The following NOX4 variants were observed in gnomAD, a reference collection of about 807,000 sequenced individuals.
The protein encoded by NOX4 is kidney oxidase-1.
A neutral mutation model predicts 87.6 loss-of-function variants in NOX4; 69 were observed. The observed-to-expected ratio is 0.79, with a 90% CI of 0.65 to 0.96. NOX4 has a LOEUF of 0.96. Among genes scored for constraint, NOX4 ranks in the 40% least tolerant of loss-of-function variants. The probability of loss-of-function intolerance (pLI) is 0.00; values close to 1 mark genes in which losing one functional copy is unlikely to be tolerated. For missense variants in NOX4, 680 were observed against 681.5 expected, an observed-to-expected ratio of 1.00 and a Z score of 0.02; for synonymous variants, 275 against 238.2, an observed-to-expected ratio of 1.15 and a Z score of -1.42.
the NOX4 span, among the ~76,000 whole-genome samples, chr11:89,541,815 T>A: frequency 6.6e-6 from 1 of 152,180 alleles, no homozygotes; most frequent in African/African-American, 2.4e-5. Flanking sequence ...CAAATTATAC[T>A]ATTCATTTAT....
intron 8 of NOX4, among the ~76,000 whole-genome samples, chr11:89,406,521 T>C (rs1565249302): frequency 6.6e-6 from 1 of 152,136 alleles, no homozygotes; most frequent in Non-Finnish European, 1.5e-5. Flanking sequence ...CATTTAGACA[T>C]ATTATTTTAT....
the NOX4 span, among the ~76,000 whole-genome samples, chr11:89,519,652 A>G: frequency 6.6e-6 from 1 of 152,210 alleles, no homozygotes; most frequent in South Asian, 2.1e-4. Flanking sequence ...ATGAAGCCAA[A>G]GTTTCAAGAG....
chr11:89,532,175 G>C, the NOX4 span, among the ~76,000 whole-genome samples: 1 of 152,132 alleles, frequency 6.6e-6, no homozygotes, highest in African/African-American at 2.4e-5. Context: ...GTGAAAAGAG[G>C]GCCACTGTCC....
At chr11:89,493,551 T>A (rs1946913117), upstream of NOX4, among the ~76,000 whole-genome samples, 1 of 152,034 alleles carries the variant, frequency 6.6e-6, no homozygotes, top group Non-Finnish European at 1.5e-5. Context: ...TGGTTATTAC[T>A]TATGGCTATT....
At chr11:89,510,702 T>C in the NOX4 span, among the ~76,000 whole-genome samples, 1 of 152,102 alleles carries the variant, frequency 6.6e-6, no homozygotes, top group East Asian at 1.9e-4. Context: ...AAATGTTTGA[T>C]AAATTTTTTT....
chr11:89,334,032 C>T (rs1326748117), intron 17 of NOX4, among the ~76,000 whole-genome samples: 2 of 151,696 alleles, frequency 1.3e-5, no homozygotes, highest in Admixed American at 6.6e-5. Context: ...TGAGAACTAA[C>T]TGTAGGAACC....
chr11:89,436,238 G>C (rs1591243226), intron 6 of NOX4, among the ~76,000 whole-genome samples: 2 of 152,172 alleles, frequency 1.3e-5, no homozygotes, highest in East Asian at 3.9e-4. Context: ...GGCATTAAGT[G>C]CTGTAAAGAG....
intron 4 of NOX4, 89 bp downstream of exon 4, chr11:89,449,351 C>A: frequency 1.0e-6 from 1 of 979,038 alleles, no homozygotes; most frequent in East Asian, 2.7e-5. Flanking sequence ...TTAGGGAAAA[C>A]TTTCTCTGAT....
chr11:89,403,206 AG>A (rs1851478841), intron 8 of NOX4, among the ~76,000 whole-genome samples: 1 of 152,168 alleles, frequency 6.6e-6, no homozygotes, highest in African/African-American at 2.4e-5. Context: ...TTATTTTGTG[AG>A]AAACCAAGAC....
At chr11:89,456,166 A>C (rs1945188425) in intron 2 of NOX4, among the ~76,000 whole-genome samples, 1 of 152,188 alleles carries the variant, frequency 6.6e-6, no homozygotes, top group Admixed American at 6.5e-5. Flanking sequence ...GTATCAAAAT[A>C]TCATGTGTAT....
chr11:89,560,249 A>T, the NOX4 span, among the ~76,000 whole-genome samples: 1 of 151,990 alleles, frequency 6.6e-6, no homozygotes, highest in Non-Finnish European at 1.5e-5. Context: ...AGGATCAATG[A>T]CCTCCGTCAG....
At chr11:89,380,537 T>C (rs144258804) in intron 11 of NOX4, among the ~76,000 whole-genome samples, 2,287 of 152,256 alleles carry the variant, frequency 0.015, 63 homozygotes, top group African/African-American at 0.051. Context: ...TCATTGATCA[T>C]TTCCTTTTGG....
chr11:89,558,732 A>T, the NOX4 span, among the ~76,000 whole-genome samples: 1 of 152,098 alleles, frequency 6.6e-6, no homozygotes, highest in Non-Finnish European at 1.5e-5. Flanking sequence ...GTCGGTAACT[A>T]TGCCATAGGC....
intron 11 of NOX4, among the ~76,000 whole-genome samples, chr11:89,397,842 A>G (rs1383298246): frequency 6.6e-6 from 1 of 152,124 alleles, no homozygotes; most frequent in Non-Finnish European, 1.5e-5. Context: ...CAACCAAAAA[A>G]AAGTCTAGGA....
At chr11:89,409,229 A>T (rs1942346016) in intron 8 of NOX4, among the ~76,000 whole-genome samples, 1 of 152,192 alleles carries the variant, frequency 6.6e-6, no homozygotes. Flanking sequence ...TCTTAAATAA[A>T]TACAGTGCTT....
the NOX4 span, among the ~76,000 whole-genome samples, chr11:89,555,254 C>A: frequency 6.6e-6 from 1 of 152,046 alleles, no homozygotes; most frequent in African/African-American, 2.4e-5. Context: ...AAGGCCAAGG[C>A]AGGAGGATTG....
intron 11 of NOX4, among the ~76,000 whole-genome samples, chr11:89,376,768 G>A (rs1939872766): frequency 1.3e-5 from 2 of 152,320 alleles, no homozygotes; most frequent in African/African-American, 4.8e-5. Flanking sequence ...TGTGGTCCCA[G>A]ATACTCGGGA....
chr11:89,486,464 A>ATGTGTGTG (rs4002196), intron 2 of NOX4, among the ~76,000 whole-genome samples: 4 of 141,428 alleles, frequency 2.8e-5, no homozygotes, highest in South Asian at 2.2e-4. Context: ...CAGCTAATAT[A>ATGTGTGTG]TGTGTGTGTG....
chr11:89,574,093 G>C, the NOX4 span, among the ~76,000 whole-genome samples: 2 of 152,128 alleles, frequency 1.3e-5, no homozygotes, highest in African/African-American at 4.8e-5. Context: ...GTCTCTCCCT[G>C]ATGCCCTGGC....
Sources: gnomAD v4.1 joint callset for allele counts (sites outside exome capture counted in the v4.1 genomes callset) on GRCh38, gnomAD v4.1.1 for gene constraint, MANE v1.5 for transcripts, NCBI Gene and HGNC (gene_info 2026-07-23, HGNC 2026-07-21) for gene names.